Variants in GLDC observed in about 807,000 individuals in gnomAD.
The protein encoded by GLDC is glycine decarboxylase, also known as glycine dehydrogenase (decarboxylating), mitochondrial.
Under a neutral mutation model 121.3 loss-of-function variants are expected in GLDC, and 104 were observed. The observed-to-expected ratio is 0.86, with a 90% CI of 0.73 to 1.01. GLDC has a LOEUF of 1.01. GLDC is among the 50% of genes least tolerant of loss of function. The pLI, the probability that GLDC is intolerant of heterozygous loss-of-function variation, is 0.00. For synonymous variants in GLDC, 546 were observed against 480.6 expected, an observed-to-expected ratio of 1.14 and a Z score of -1.78; for missense variants, 1,429 against 1,306.6, an observed-to-expected ratio of 1.09 and a Z score of -1.44.
At chr9:6,606,283 C>T in intron 5 of GLDC, 1 of 364,726 alleles carries the variant, frequency 2.7e-6, no homozygotes, top group Non-Finnish European at 5.0e-6. Context: ...GCACTCCAGC[C>T]TGGACGACAG....
At chr9:6,628,460 GA>G (rs1350605067) in intron 2 of GLDC, among the ~76,000 whole-genome samples, 1 of 152,154 alleles carries the variant, frequency 6.6e-6, no homozygotes, top group East Asian at 1.9e-4. Context: ...AACCAGGGGG[GA>G]AAGAGACCAA....
intron 15 of GLDC, among the ~76,000 whole-genome samples, chr9:6,582,821 C>T (rs1587942921): frequency 2.0e-5 from 3 of 149,082 alleles, no homozygotes; most frequent in Admixed American, 6.7e-5. Flanking sequence ...AGAGCGAGAC[C>T]TCGTCTCAAA....
chr9:6,565,486 A>T, intron 15 of GLDC, 57 bp from the exon 16 acceptor site: 2 of 1,342,392 alleles, frequency 1.5e-6, no homozygotes, highest in Non-Finnish European at 2.1e-6. Context: ...TCATTTACTC[A>T]TTCAATATTT....
chr9:6,629,934 T>TATATATATGTATAC (rs1326335400), intron 2 of GLDC, among the ~76,000 whole-genome samples: 2 of 89,688 alleles, frequency 2.2e-5, no homozygotes, highest in Admixed American at 1.1e-4. Flanking sequence ...TTTCACTATA[T>TATATATATGTATAC]ATATATATAT....
At chr9:6,602,081 C>T in intron 8 of GLDC, 28 bp downstream of exon 8, 1 of 1,291,882 alleles carries the variant, frequency 7.7e-7, no homozygotes, top group Non-Finnish European at 1.1e-6. Flanking sequence ...GTAAGGCATT[C>T]AGTAGTCAGG....
At chr9:6,546,793 C>G (rs563687334) in intron 21 of GLDC, among the ~76,000 whole-genome samples, 116 of 151,778 alleles carry the variant, frequency 7.6e-4, no homozygotes, top group African/African-American at 2.7e-3. Flanking sequence ...GAAACCCTGT[C>G]TCTACTAAAA....
chr9:6,595,214 G>C, intron 8 of GLDC, 95 bp from the exon 9 acceptor site: 2 of 849,072 alleles, frequency 2.4e-6, no homozygotes, highest in South Asian at 1.3e-5. Context: ...TGAAGACAGC[G>C]ACAAAACAAA....
At chr9:6,553,543 T>A in intron 19 of GLDC, 34 bp from the exon 20 acceptor site, 1 of 1,608,734 alleles carries the variant, frequency 6.2e-7, no homozygotes, top group South Asian at 1.1e-5. Context: ...TCAGAAAATG[T>A]AAACGATTCA....
chr9:6,644,221 C>T (rs1329696626), intron 2 of GLDC, among the ~76,000 whole-genome samples: 3 of 151,852 alleles, frequency 2.0e-5, no homozygotes, highest in Non-Finnish European at 4.4e-5. Context: ...TCCCCAGTTG[C>T]ACGACCTTAG....
In GLDC at chr9:6,625,947, G is replaced by GACC. The variant is rs1294036683; in HGVS notation, c.335-5629_335-5628insGGT. On this transcript the variant is annotated intron_variant, in intron 2 of 24. Transcript: ENST00000321612. ...AGTCATGGAGGTGATAGAAGCCCTG[G>GACC]AGCTCGGGGCTAGAAGCTGAGAAGA... Among the ~76,000 whole-genome samples the GACC allele has an allele frequency of 2.0e-5, 3 of 152,076 alleles. No homozygotes were observed. In the East Asian group the frequency reaches 5.8e-4, roughly 29 times the overall value.
At chr9:6,571,171 T>TA (rs1817958955) in intron 15 of GLDC, among the ~76,000 whole-genome samples, 128 of 150,928 alleles carry the variant, frequency 8.5e-4, no homozygotes, top group Middle Eastern at 3.4e-3. Flanking sequence ...GCTACTTTTT[T>TA]TAAAAAAAAA....
chr9:6,612,253 T>TCTCACACACACA (rs1554648951), intron 3 of GLDC, among the ~76,000 whole-genome samples: 22 of 150,116 alleles, frequency 1.5e-4, no homozygotes, highest in African/African-American at 5.4e-4. Flanking sequence ...TCTCTCTCTC[T>TCTCACACACACA]CACACACACT....
intron 2 of GLDC, among the ~76,000 whole-genome samples, chr9:6,641,170 T>A (rs895368677): frequency 1.3e-5 from 2 of 152,240 alleles, no homozygotes; most frequent in Non-Finnish European, 2.9e-5. Context: ...CTCCCCTGGT[T>A]CTGTCCGGCC....
At chr9:6,619,146 CAAAAAAAAAAAAAAA>C (rs1162280442) in intron 3 of GLDC, among the ~76,000 whole-genome samples, 56 of 60,676 alleles carry the variant, frequency 9.2e-4, no homozygotes, top group South Asian at 7.0e-3. Flanking sequence ...CTGTCTCAGG[CAAAAAAAAAAAAAAA>C]AAAAAAAAAA....
intron 2 of GLDC, among the ~76,000 whole-genome samples, chr9:6,620,583 C>T (rs1204491894): frequency 6.6e-6 from 1 of 151,918 alleles, no homozygotes; most frequent in Non-Finnish European, 1.5e-5. Flanking sequence ...TTTGCTAGAA[C>T]TGCCCATTTT....
intron 16 of GLDC, among the ~76,000 whole-genome samples, chr9:6,563,356 G>A (rs1817794376): frequency 6.6e-6 from 1 of 152,238 alleles, no homozygotes; most frequent in Non-Finnish European, 1.5e-5. Flanking sequence ...CTAGTCACCT[G>A]CTTTCTGCAA....
Position 6,589,270 on chromosome 9 carries a change from C to G in GLDC, c.1505G>C (p.Gly502Ala), listed in dbSNP as rs368393226. The G allele has an allele frequency of 2.5e-6, 4 of 1,608,158 alleles. No homozygotes were observed. In the African/African-American group the frequency reaches 5.3e-5, roughly 21 times the overall value. ...SSAELVAESM[G>A]EECRGIPGSV... Reference sequence around the variant, plus strand: ...CCCTGGAATACCTCTGCACTCCTCTCCCATGCTTTCAGCAACCAGTTCCTG... The same window carrying G: ...CCCTGGAATACCTCTGCACTCCTCTGCCATGCTTTCAGCAACCAGTTCCTG... Residue 502 changes from glycine to alanine, a missense_variant, in exon 12 of 25, where the codon GGA (glycine) becomes GCA (alanine). Coordinates refer to ENST00000321612, the MANE Select transcript of GLDC (RefSeq NM_000170.3).
intron 15 of GLDC, among the ~76,000 whole-genome samples, chr9:6,578,658 G>A (rs1399224243): frequency 6.6e-6 from 1 of 151,972 alleles, no homozygotes; most frequent in Non-Finnish European, 1.5e-5. Context: ...TCCCACCTCA[G>A]CCCCCAAAGT....
At chr9:6,547,548 A>G (rs987564297) in intron 21 of GLDC, among the ~76,000 whole-genome samples, 1 of 152,152 alleles carries the variant, frequency 6.6e-6, no homozygotes, top group African/African-American at 2.4e-5. Context: ...GTCTCTGGGA[A>G]AAAAATTGAA....
Sources: gnomAD v4.1 joint callset for allele counts (sites outside exome capture counted in the v4.1 genomes callset) on GRCh38, gnomAD v4.1.1 for gene constraint, MANE v1.5 for transcripts, NCBI Gene and HGNC (gene_info 2026-07-23, HGNC 2026-07-21) for gene names.